UNC5C: variants seen among roughly 807,000 people sequenced by gnomAD.
UNC5C encodes unc-5 netrin receptor C.
In UNC5C, 47 loss-of-function variants were observed where a neutral mutation model predicts 99.8. That is an observed-to-expected ratio of 0.47 (90% confidence interval 0.37 to 0.60). The LOEUF (loss-of-function observed/expected upper bound fraction) is 0.60, where lower values mean the gene tolerates loss of function less well. Ranked by LOEUF, UNC5C falls within the 20% of genes least tolerant of loss-of-function variation. The probability of loss-of-function intolerance (pLI) is 0.00; values close to 1 mark genes in which losing one functional copy is unlikely to be tolerated. For synonymous variants in UNC5C, 487 were observed against 452.2 expected (o/e 1.08, Z -0.98); for missense variants, 1,062 against 1,165.9 (o/e 0.91, Z 1.30).
intron 1 of UNC5C, among the ~76,000 whole-genome samples, chr4:95,469,188 T>C (rs570274696): frequency 2.9e-4 from 44 of 152,282 alleles, no homozygotes; most frequent in African/African-American, 1.0e-3. Context: ...AGGTCACTTT[T>C]GCCTGCATTA....
At chr4:95,519,383 T>C (rs940881938) in intron 1 of UNC5C, among the ~76,000 whole-genome samples, 15 of 152,140 alleles carry the variant, frequency 9.9e-5, no homozygotes, top group African/African-American at 3.6e-4. Flanking sequence ...AATGATTAAA[T>C]GATGTTCCCC....
chr4:95,531,183 G>C (rs1722633258), intron 1 of UNC5C, among the ~76,000 whole-genome samples: 1 of 152,140 alleles, frequency 6.6e-6, no homozygotes, highest in African/African-American at 2.4e-5. Flanking sequence ...TTTTAAGACT[G>C]TTTTCAAGCC....
intron 1 of UNC5C, among the ~76,000 whole-genome samples, chr4:95,352,633 T>A (rs1387543471): frequency 6.6e-6 from 1 of 152,182 alleles, no homozygotes; most frequent in Non-Finnish European, 1.5e-5. Context: ...TACCTTCCCC[T>A]GTTGACACAG....
intron 1 of UNC5C, among the ~76,000 whole-genome samples, chr4:95,356,208 AAAAACAAAAC>A (rs1311127051): frequency 0.096 from 12,448 of 130,176 alleles, 997 homozygotes; most frequent in Non-Finnish European, 0.13. Flanking sequence ...AAAAAAAAAA[AAAAACAAAAC>A]AAAAAAAAAA....
At chr4:95,527,100 T>A (rs901104141) in intron 1 of UNC5C, among the ~76,000 whole-genome samples, 1 of 152,076 alleles carries the variant, frequency 6.6e-6, no homozygotes, top group Non-Finnish European at 1.5e-5. Flanking sequence ...CCCATGCATT[T>A]ACCCTATTCA....
chr4:95,204,118 T>C (rs977190978), intron 11 of UNC5C, among the ~76,000 whole-genome samples: 26 of 152,294 alleles, frequency 1.7e-4, no homozygotes, highest in Middle Eastern at 3.4e-3. Context: ...AGGAGACAAG[T>C]CAGTGAAATT....
chr4:95,249,117 G>T (rs540914568), intron 5 of UNC5C, among the ~76,000 whole-genome samples: 1 of 152,228 alleles, frequency 6.6e-6, no homozygotes, highest in Admixed American at 6.5e-5. Context: ...CAGTATACAG[G>T]TTTGTAGCCT....
chr4:95,260,032 C>A (rs922319135), intron 4 of UNC5C, among the ~76,000 whole-genome samples: 4 of 152,098 alleles, frequency 2.6e-5, no homozygotes, highest in South Asian at 4.1e-4. Flanking sequence ...TTTCTTCCAG[C>A]CACCTCTGCT....
chr4:95,520,151 C>T (rs1243562992), intron 1 of UNC5C, among the ~76,000 whole-genome samples: 3 of 152,174 alleles, frequency 2.0e-5, no homozygotes, highest in African/African-American at 7.2e-5. Context: ...TCTAAATACT[C>T]AACCTAGGAA....
chr4:95,297,832 A>G (rs565221341), intron 3 of UNC5C, among the ~76,000 whole-genome samples: 1 of 152,212 alleles, frequency 6.6e-6, no homozygotes, highest in African/African-American at 2.4e-5. Flanking sequence ...ACTGCTTCCA[A>G]TCTACAGTAG....
intron 1 of UNC5C, among the ~76,000 whole-genome samples, chr4:95,438,751 T>C (rs2149462749): frequency 6.6e-6 from 1 of 152,266 alleles, no homozygotes; most frequent in East Asian, 1.9e-4. Flanking sequence ...AAGCACACAT[T>C]CTATGAAATG....
intron 1 of UNC5C, among the ~76,000 whole-genome samples, chr4:95,529,004 T>G (rs1393924287): frequency 2.6e-5 from 4 of 152,128 alleles, no homozygotes; most frequent in African/African-American, 7.2e-5. Context: ...ATCTCTCCTT[T>G]AATCTCTTCC....
At chr4:95,355,215 T>C (rs968677920) in intron 1 of UNC5C, among the ~76,000 whole-genome samples, 5 of 152,158 alleles carry the variant, frequency 3.3e-5, no homozygotes, top group African/African-American at 1.2e-4. Flanking sequence ...GATATGGCAA[T>C]GTGGCGACAG....
intron 13 of UNC5C, among the ~76,000 whole-genome samples, chr4:95,183,528 C>A (rs889971506): frequency 6.6e-6 from 1 of 152,190 alleles, no homozygotes; most frequent in African/African-American, 2.4e-5. Flanking sequence ...CCCTTTCATG[C>A]TTTACATCCT....
At chr4:95,466,809 A>T (rs1388612070) in intron 1 of UNC5C, among the ~76,000 whole-genome samples, 1 of 152,218 alleles carries the variant, frequency 6.6e-6, no homozygotes, top group Non-Finnish European at 1.5e-5. Flanking sequence ...TGGTGATTTT[A>T]AGGTGTGTCC....
At chr4:95,225,010 AGAAAGG>A (rs1305793516) in intron 7 of UNC5C, among the ~76,000 whole-genome samples, 1 of 152,038 alleles carries the variant, frequency 6.6e-6, no homozygotes, top group Non-Finnish European at 1.5e-5. Flanking sequence ...GGAGCAAGCA[AGAAAGG>A]AAAGGGAGGA....
At chr4:95,445,371 G>A (rs1747070006) in intron 1 of UNC5C, among the ~76,000 whole-genome samples, 1 of 152,020 alleles carries the variant, frequency 6.6e-6, no homozygotes, top group African/African-American at 2.4e-5. Context: ...AGTGAAAAGG[G>A]GAGGGAATGC....
chr4:95,458,858 T>C (rs1747517172), intron 1 of UNC5C, among the ~76,000 whole-genome samples: 1 of 152,060 alleles, frequency 6.6e-6, no homozygotes, highest in Non-Finnish European at 1.5e-5. Context: ...ATCCCATATT[T>C]TAAATGGTAT....
chr4:95,192,002 C>G (rs1446060631), intron 12 of UNC5C, among the ~76,000 whole-genome samples: 1 of 135,238 alleles, frequency 7.4e-6, no homozygotes, highest in Non-Finnish European at 1.6e-5. Context: ...TAATCCTCCT[C>G]TCCTGCTCAC....
Sources: allele counts gnomAD v4.1 joint callset (sites outside exome capture counted in the v4.1 genomes callset), GRCh38; gene constraint gnomAD v4.1.1; transcripts MANE v1.5; gene names NCBI Gene and HGNC (gene_info 2026-07-23, HGNC 2026-07-21).